FCRL2: variants seen among roughly 807,000 people sequenced by gnomAD.
FCRL2 encodes Fc receptor-like protein 2.
FCRL2 carries 48 observed loss-of-function variants against 59.8 expected under a neutral mutation model. That is an observed-to-expected ratio of 0.80 (90% CI 0.64 to 1.02). FCRL2 has a LOEUF of 1.02. Among genes scored for constraint, FCRL2 ranks in the 50% least tolerant of loss-of-function variants. FCRL2 has a pLI of 0.00. For synonymous variants in FCRL2, 251 were observed against 229.5 expected, an observed-to-expected ratio of 1.09 and a Z score of -0.85; for missense variants, 658 against 597.3, an observed-to-expected ratio of 1.10 and a Z score of -1.06.
chr1:157,774,763 A>C (rs1650284778), intron 2 of FCRL2, among the ~76,000 whole-genome samples: 1 of 152,194 alleles, frequency 6.6e-6, no homozygotes. Flanking sequence ...CTCCTGAGCA[A>C]GTTCCAGGTA....
chr1:157,769,970 A>G lies in FCRL2; in HGVS notation c.491T>C (p.Ile164Thr). ...TGTGTCTTCACTCCACACGGCAGAA[A>G]TCTGGAGCTCCGGAGAGCTGCTCCA... ...SGWSSSPELQ[I>T]SAVWSEDTGS... The change falls in exon 4 of 12, where the codon ATT (isoleucine) becomes ACT (threonine). Residue 164 changes from isoleucine to threonine, a missense_variant. Coordinates refer to ENST00000361516, the MANE Select transcript of FCRL2 (RefSeq NM_030764.4). 2 of 1,614,164 alleles carry G rather than the reference A, an allele frequency of 1.2e-6. No individual in the cohort carries two copies. The highest frequency in any genetic ancestry group is 1.7e-6 in the Non-Finnish European group (2 of 1,180,022).
chr1:157,748,339 G>C (rs979724566), intron 10 of FCRL2, among the ~76,000 whole-genome samples: 1 of 152,022 alleles, frequency 6.6e-6, no homozygotes, highest in Non-Finnish European at 1.5e-5. Flanking sequence ...CAATTTTCCT[G>C]TATCAGCTCA....
chr1:157,761,289 C>T (rs1240334998), intron 7 of FCRL2, among the ~76,000 whole-genome samples: 1 of 152,158 alleles, frequency 6.6e-6, no homozygotes, highest in Non-Finnish European at 1.5e-5. Context: ...CAAAAAAACC[C>T]ACTTAAATTC....
intron 7 of FCRL2, among the ~76,000 whole-genome samples, chr1:157,765,269 CA>C (rs35030332): frequency 6.6e-6 from 1 of 152,054 alleles, no homozygotes; most frequent in African/African-American, 2.4e-5. Context: ...CTGAATAAAC[CA>C]ATAATGAGTG....
chr1:157,760,703 G>GAAAGAAAGAAAT (rs777007999), intron 7 of FCRL2, among the ~76,000 whole-genome samples: 6 of 79,028 alleles, frequency 7.6e-5, no homozygotes, highest in Non-Finnish European at 1.6e-4. Flanking sequence ...AAGAAGGAAA[G>GAAAGAAAGAAAT]AAAGAAAGAA....
intron 1 of FCRL2, among the ~76,000 whole-genome samples, chr1:157,776,693 C>T (rs549912238): frequency 2.6e-5 from 4 of 152,258 alleles, no homozygotes; most frequent in Admixed American, 1.3e-4. Flanking sequence ...ATTGAATAAT[C>T]GGTGTTCATG....
chr1:157,774,591 G>A (rs998638722), intron 2 of FCRL2: 2 of 396,604 alleles, frequency 5.0e-6, no homozygotes, highest in African/African-American at 4.2e-5. Flanking sequence ...ACTTCAGGGA[G>A]CCTGCTGTCT....
At chr1:157,769,046 A>G (rs1330989173) in intron 4 of FCRL2, 3 of 184,158 alleles carry the variant, frequency 1.6e-5, no homozygotes, top group Non-Finnish European at 1.1e-5. Context: ...GCAGTGGAAA[A>G]GTCATTATTC....
intron 10 of FCRL2, 118 bp from the exon 11 acceptor site, chr1:157,747,017 C>T: frequency 9.2e-7 from 1 of 1,083,756 alleles, no homozygotes; most frequent in East Asian, 2.4e-5. Flanking sequence ...CCATTTTCTC[C>T]TGTTCTGTAA....
chr1:157,758,600 A>G (rs1648774718), intron 7 of FCRL2, among the ~76,000 whole-genome samples: 1 of 145,432 alleles, frequency 6.9e-6, no homozygotes, highest in Non-Finnish European at 1.5e-5. Context: ...TACCAATGAC[A>G]TTGTTTGCAA....
chr1:157,756,693 AAAG>A lies in FCRL2; in HGVS notation c.1280-7019_1280-7017del, dbSNP rs1278103274. 1.6e-3 allele frequency among the ~76,000 whole-genome samples: 237 copies of A among 151,738 alleles called. 1 individual carries two copies. The highest frequency in any genetic ancestry group is 5.6e-3 in the African/African-American group (233 of 41,318). ...CACTTTGTCTGGAAAAAAAAAAAAA[AAAG>A]GTTGGATATCTGAAGGTCAAAGCCA... On this transcript the variant is annotated intron_variant, in intron 7 of 11. Coordinates refer to ENST00000361516, the MANE Select transcript of FCRL2 (RefSeq NM_030764.4).
chr1:157,759,237 C>T (rs1348449586), intron 7 of FCRL2, among the ~76,000 whole-genome samples: 2 of 152,176 alleles, frequency 1.3e-5, no homozygotes, highest in African/African-American at 2.4e-5. Context: ...TTTCCTGAGG[C>T]CTTCTCAGTC....
In FCRL2 at chr1:157,746,789, C is replaced by A. The variant is rs56179831; in HGVS notation, c.1489-15G>T. The A allele has an allele frequency of 1.9e-6, 3 of 1,613,710 alleles. No individual in the cohort carries two copies. In the African/African-American group the frequency reaches 4.0e-5, roughly 22 times the overall value. On this transcript the variant is annotated splice_polypyrimidine_tract_variant and intron_variant, in intron 11 of 11. Coordinates refer to ENST00000361516, the MANE Select transcript of FCRL2 (RefSeq NM_030764.4). The stretch of plus-strand genomic sequence containing the variant: ...ACTTGGGAGTCCTGGGAGAGACACA[C>A]AGGAATAAAGACTGAGGTGATCAAG...
chr1:157,749,429 G>A (rs77127214), intron 8 of FCRL2, among the ~76,000 whole-genome samples: 196 of 152,232 alleles, frequency 1.3e-3, no homozygotes, highest in African/African-American at 4.6e-3. Context: ...TTAAATGTAT[G>A]TAATCCTATA....
intron 7 of FCRL2, among the ~76,000 whole-genome samples, chr1:157,764,143 G>A (rs1381390472): frequency 1.3e-5 from 2 of 151,952 alleles, no homozygotes; most frequent in Non-Finnish European, 2.9e-5. Flanking sequence ...GGTGGAGGTT[G>A]CAGTGAGCAG....
intron 7 of FCRL2, among the ~76,000 whole-genome samples, chr1:157,764,085 T>C (rs1011381487): frequency 1.3e-5 from 2 of 149,694 alleles, no homozygotes; most frequent in African/African-American, 4.9e-5. Flanking sequence ...ACGCCTGTAG[T>C]CCCAGCTACT....
chr1:157,762,085 T>C (rs369296555), intron 7 of FCRL2, among the ~76,000 whole-genome samples: 1 of 152,178 alleles, frequency 6.6e-6, no homozygotes, highest in Non-Finnish European at 1.5e-5. Flanking sequence ...CCCCTGACCA[T>C]GCCAGAGCAC....
chr1:157,768,203 T>C (rs1322323145), intron 5 of FCRL2: 3 of 546,198 alleles, frequency 5.5e-6, no homozygotes, highest in African/African-American at 1.9e-5. Flanking sequence ...AGAATGCTTA[T>C]GCTTCATAAT....
intron 1 of FCRL2, among the ~76,000 whole-genome samples, chr1:157,776,351 C>A (rs779882527): frequency 6.6e-6 from 1 of 152,184 alleles, no homozygotes; most frequent in South Asian, 2.1e-4. Flanking sequence ...CTCACCACAA[C>A]CTCCACCTCC....
Sources: gnomAD v4.1 joint callset for allele counts (sites outside exome capture counted in the v4.1 genomes callset) on GRCh38, gnomAD v4.1.1 for gene constraint, MANE v1.5 for transcripts, NCBI Gene and HGNC (gene_info 2026-07-23, HGNC 2026-07-21) for gene names.